Variants in CEP170B observed in about 807,000 individuals in gnomAD.
The protein encoded by CEP170B is centrosomal protein 170B.
Under a neutral mutation model 120.6 loss-of-function variants are expected in CEP170B, and 55 were observed. That is an observed-to-expected ratio of 0.46 (90% CI 0.37 to 0.57). The LOEUF is 0.57. Ranked by LOEUF, CEP170B falls within the 20% of genes least tolerant of loss-of-function variation. CEP170B has a pLI of 0.00. For missense variants in CEP170B, 2,212 were observed against 2,253.3 expected (o/e 0.98, Z 0.37); for synonymous variants, 1,033 against 954.5 (o/e 1.08, Z -1.52).
chr14:104,882,655 G>C (rs889708835), intron 6 of CEP170B, 73 bp from the exon 7 acceptor site: 1 of 1,258,978 alleles, frequency 7.9e-7, no homozygotes, highest in Non-Finnish European at 1.1e-6. Context: ...AGCCTCTCCT[G>C]GGCTGCCAGT....
Position 104,870,466 on chromosome 14 carries a change from G to A in CEP170B, c.105+1911G>A, listed in dbSNP as rs1461225898. ...TGGTCTGCGTACAGGGGTGGCATCA[G>A]TGATGGCCGCGCTGCTCTACCTAGG... On this transcript the variant is annotated intron_variant, in intron 2 of 18. Transcript: ENST00000414716. The surrounding 1 kb of genome is among the most constrained non-coding windows in gnomAD (Gnocchi z 4.1). Among the ~76,000 whole-genome samples the A allele has an allele frequency of 2.0e-5, 3 of 152,230 alleles. No individual in the cohort carries two copies. Among genetic ancestry groups the A allele is most frequent in the African/African-American group, 4.8e-5 (2 of 41,444 alleles).
In CEP170B at chr14:104,887,236, C is replaced by T; in HGVS notation, c.2997C>T (p.Ala999=). The change falls in exon 12 of 19, where the codon GCC becomes GCT. Residue 999 remains alanine (A), a synonymous_variant. Transcript: ENST00000414716. ...PPAAQDPGGT[A]LVSAREQSSE... is the part of the protein sequence containing the mutation. ...CTGCACAGGACCCGGGAGGCACCGC[C>T]CTGGTCAGTGCCCGTGAGCAGTCCT... 6.2e-7 allele frequency: 1 copy of T among 1,606,616 alleles called. No homozygotes were observed. The highest frequency in any genetic ancestry group is 8.5e-7 in the Non-Finnish European group (1 of 1,179,562).
chr14:104,894,254 C>T lies in CEP170B; in HGVS notation c.4272-31C>T, dbSNP rs758531967. The stretch of plus-strand genomic sequence containing the variant: ...AGCTCTGTCATCTCTGTCCTTGTCC[C>T]CCCATTTCTGCCTCCCCCTACCTCG... On this transcript the variant is annotated intron_variant, in intron 16 of 18. Transcript: ENST00000414716. 3.3e-6 allele frequency: 5 copies of T among 1,513,994 alleles called. No individual in the cohort carries two copies. In the East Asian group the frequency reaches 1.1e-4, roughly 34 times the overall value. The allele number at this position is 1,513,994 out of a possible 1,614,324, so 93.8% of individuals were successfully genotyped here.
intron 2 of CEP170B, among the ~76,000 whole-genome samples, chr14:104,872,545 C>T (rs922015195): frequency 6.6e-6 from 1 of 151,408 alleles, no homozygotes; most frequent in Non-Finnish European, 1.5e-5. Flanking sequence ...TCTGTAGGTG[C>T]ACACATCTGT....
At position 104,883,226 on chromosome 14, in the gene CEP170B, G is replaced by C. The variant is rs760167116; in HGVS notation, c.769G>C (p.Gly257Arg). Residue 257 changes from glycine (G) to arginine (R), a missense_variant, in exon 8 of 19, where the codon GGC (glycine) becomes CGC (arginine). By Grantham distance (125) the Gly-to-Arg change is moderately radical. Around this residue, in one of 2 missense-constraint regions of CEP170B, gnomAD observed 2,166 missense variants for 2,166.7 expected, o/e 1.00. Coordinates refer to ENST00000414716, the MANE Select transcript of CEP170B (RefSeq NM_001112726.3). Reference protein sequence around the residue: ...MPTKDAEAGGGGAAPVVQSHA... With the variant: ...MPTKDAEAGGRGAAPVVQSHA... ...CACGAAGGATGCAGAGGCAGGTGGG[G>C]GCGGAGCGGCCCCTGTGGTGCAGAG... The C allele has an allele frequency of 6.2e-7, 1 of 1,611,192 alleles. No individual in the cohort carries two copies. The highest frequency in any genetic ancestry group is 1.3e-5 in the African/African-American group (1 of 74,614).
intron 6 of CEP170B, among the ~76,000 whole-genome samples, chr14:104,882,010 G>A (rs1449968239): frequency 6.6e-6 from 1 of 152,142 alleles, no homozygotes; most frequent in African/African-American, 2.4e-5. Context: ...CCGCAAGGAT[G>A]GAAAGAGCTT....
chr14:104,880,441 G>T lies in CEP170B; in HGVS notation c.472+16G>T. 6.2e-7 allele frequency: 1 copy of T among 1,609,604 alleles called. No homozygotes were observed. The highest frequency in any genetic ancestry group is 8.5e-7 in the Non-Finnish European group (1 of 1,178,696). On this transcript the variant is annotated intron_variant, in intron 6 of 18. Coordinates refer to ENST00000414716, the MANE Select transcript of CEP170B (RefSeq NM_001112726.3). ...CCAGGAACAGGTAGGCCCAGGCAGT[G>T]CGGATGGGGTGAGCACACAGGGCCA...
rs1051493345 is a variant in CEP170B, at chr14:104,895,081, G to A, written c.*123G>A. On this transcript the variant is annotated 3_prime_UTR_variant, in exon 19 of 19. Transcript: ENST00000414716. Reference sequence around the variant, plus strand: ...AGACCCCCACATGTGCCATATCCCTGTGGGCGGGTGCCTCCCACGCCCTTG... The same window carrying A: ...AGACCCCCACATGTGCCATATCCCTATGGGCGGGTGCCTCCCACGCCCTTG... 8.5e-7 allele frequency: 1 copy of A among 1,174,506 alleles called. No homozygotes were observed. The highest frequency in any genetic ancestry group is 1.2e-6 in the Non-Finnish European group (1 of 862,998). The allele number at this position is 1,174,506 out of a possible 1,614,324, so 72.8% of individuals were successfully genotyped here. A position where few individuals can be genotyped will look rare whatever the true frequency, so the allele number is the denominator to read the frequency against.
intron 2 of CEP170B, among the ~76,000 whole-genome samples, chr14:104,872,502 G>A (rs1024297069): frequency 1.6e-5 from 2 of 127,466 alleles, no homozygotes; most frequent in South Asian, 2.4e-4. Context: ...GTGTGTGTGC[G>A]TGTGTAAGTG....
Position 104,889,715 on chromosome 14 carries a change from T to C in CEP170B, c.3835T>C (p.Tyr1279His), listed in dbSNP as rs373171300. Residue 1279 changes from tyrosine (Y) to histidine (H), a missense_variant, in exon 13 of 19, where the codon TAT becomes CAT. Around this residue, in one of 2 missense-constraint regions of CEP170B, gnomAD observed 2,166 missense variants for 2,166.7 expected, o/e 1.00. Coordinates refer to ENST00000414716, the MANE Select transcript of CEP170B (RefSeq NM_001112726.3). ...CGACGATGAGGAGGAGCCTGACCCT[T>C]ATGGTTTCATCGTGCAGACGGCAGA... is the stretch of plus-strand genomic sequence containing the variant. ...TDDDEEEPDP[Y>H]GFIVQTAEIA... The C allele has an allele frequency of 2.0e-5, 32 of 1,610,032 alleles. No homozygotes were observed. The highest frequency in any genetic ancestry group is 2.5e-5 in the Non-Finnish European group (29 of 1,178,284).
At position 104,884,015 on chromosome 14, in the gene CEP170B, C is replaced by T. The variant is rs769636798; in HGVS notation, c.1236C>T (p.Asp412=). The change falls in exon 9 of 19, where the codon GAC becomes GAT. Residue 412 remains aspartate, a synonymous_variant. Coordinates refer to ENST00000414716, the MANE Select transcript of CEP170B (RefSeq NM_001112726.3). ...TTGTCATCGAGTTCTTCGACGAGGA[C>T]ACACCCCGAAAGAAGCGCTCCCAGT... The part of the protein sequence containing the change: ...QAFVIEFFDE[D]TPRKKRSQSF... 6.2e-7 allele frequency: 1 copy of T among 1,611,134 alleles called. No individual in the cohort carries two copies. Among genetic ancestry groups the T allele is most frequent in the Non-Finnish European group, 8.5e-7 (1 of 1,179,034 alleles).
intron 1 of CEP170B, among the ~76,000 whole-genome samples, chr14:104,866,635 C>T (rs1470040172): frequency 6.6e-6 from 1 of 152,224 alleles, no homozygotes; most frequent in African/African-American, 2.4e-5. Context: ...TTCCCACCTC[C>T]CTGCCCAAGG....
At chr14:104,872,574 T>C (rs1252290954) in intron 2 of CEP170B, among the ~76,000 whole-genome samples, 4 of 152,078 alleles carry the variant, frequency 2.6e-5, no homozygotes, top group Admixed American at 2.6e-4. Flanking sequence ...TGTGCATGTG[T>C]GTGCTGCATG....
Position 104,885,462 on chromosome 14 carries a change from G to C in CEP170B, c.1864G>C (p.Gly622Arg). ...IRGDRDESDD[G>R]GVAQRMALLQ... ...AGGGGACAGAGATGAGTCTGATGACGGGGGCGTGGCCCAGCGGATGGCGCT... is the reference window on the plus strand; with the variant it reads ...AGGGGACAGAGATGAGTCTGATGACCGGGGCGTGGCCCAGCGGATGGCGCT... The change falls in exon 10 of 19, where the codon GGG becomes CGG. Residue 622 changes from glycine to arginine, a missense_variant. Coordinates refer to ENST00000414716, the MANE Select transcript of CEP170B (RefSeq NM_001112726.3). The C allele has an allele frequency of 6.4e-7, 1 of 1,563,296 alleles. No individual in the cohort carries two copies. The highest frequency in any genetic ancestry group is 1.7e-4 in the Middle Eastern group (1 of 5,986).
chr14:104,868,528 G>T lies in CEP170B; in HGVS notation c.78G>T (p.Gly26=), dbSNP rs1321756437. Residue 26 remains glycine (G), a synonymous_variant, in exon 2 of 19, where the codon GGG becomes GGT. Transcript: ENST00000414716. This position sits in a 1 kb window ranked among gnomAD's most constrained non-coding sequence, Gnocchi z 5.9. ...TCCCTCGGGAGCTCATCTTCGTGGGGCGTGAGGAGTGTGAGCTCATGCTAC... is the reference window on the plus strand; with the variant it reads ...TCCCTCGGGAGCTCATCTTCGTGGGTCGTGAGGAGTGTGAGCTCATGCTAC... ...HRLPRELIFV[G]REECELMLQS... 7 of 1,549,712 alleles carry T rather than the reference G, an allele frequency of 4.5e-6. No homozygotes were observed. The highest frequency in any genetic ancestry group is 6.1e-6 in the Non-Finnish European group (7 of 1,146,918).
At chr14:104,892,417 G>A (rs1163792858) in intron 13 of CEP170B, among the ~76,000 whole-genome samples, 1 of 152,142 alleles carries the variant, frequency 6.6e-6, no homozygotes, top group African/African-American at 2.4e-5. Flanking sequence ...TCACTGGCCT[G>A]CAAGGGGTCC....
chr14:104,877,837 C>T, intron 3 of CEP170B, 48 bp from the exon 4 acceptor site: 1 of 449,728 alleles, frequency 2.2e-6, no homozygotes, highest in Non-Finnish European at 3.9e-6. Flanking sequence ...CCCACAGCCA[C>T]CCACCCGCGC....
chr14:104,878,068 G>A (rs955747843), intron 4 of CEP170B, 105 bp downstream of exon 4: 8 of 954,018 alleles, frequency 8.4e-6, no homozygotes, highest in Non-Finnish European at 1.1e-5. Context: ...GGGGTTGCTG[G>A]GTAACAGAGC....
intron 8 of CEP170B, 53 bp downstream of exon 8, chr14:104,883,561 C>T: frequency 6.8e-7 from 1 of 1,474,456 alleles, no homozygotes; most frequent in Non-Finnish European, 9.1e-7. Context: ...GGGGACCGGA[C>T]TTTGGCTGGG....
Sources: allele counts gnomAD v4.1 joint callset (sites outside exome capture counted in the v4.1 genomes callset), GRCh38; gene constraint gnomAD v4.1.1; regional missense constraint gnomAD v4.1.1; non-coding constraint Gnocchi (gnomAD v3.1); transcripts MANE v1.5; gene names NCBI Gene and HGNC (gene_info 2026-07-23, HGNC 2026-07-21).